DDX10: variants seen among roughly 807,000 people sequenced by gnomAD.
DDX10 encodes the protein probable ATP-dependent RNA helicase DDX10.
DDX10 carries 74 observed loss-of-function variants against 104.3 expected under a neutral mutation model. The observed-to-expected ratio is 0.71, with a 90% CI of 0.59 to 0.86. The LOEUF (loss-of-function observed/expected upper bound fraction) is 0.86, where lower values mean the gene tolerates loss of function less well. Among genes scored for constraint, DDX10 ranks in the 40% least tolerant of loss-of-function variants. The pLI, the probability that DDX10 is intolerant of heterozygous loss-of-function variation, is 0.00. For synonymous variants in DDX10, 351 were observed against 353.4 expected, an observed-to-expected ratio of 0.99 and a Z score of 0.08; for missense variants, 952 against 1,040.0, an observed-to-expected ratio of 0.92 and a Z score of 1.16.
At chr11:108,780,272 G>A (rs1054322998) in intron 13 of DDX10, among the ~76,000 whole-genome samples, 1 of 152,162 alleles carries the variant, frequency 6.6e-6, no homozygotes, top group African/African-American at 2.4e-5. Flanking sequence ...GGACAGGGTG[G>A]CTGAAGTTAA....
At chr11:108,699,198 C>G (rs1279458426) in intron 9 of DDX10, among the ~76,000 whole-genome samples, 1 of 152,160 alleles carries the variant, frequency 6.6e-6, no homozygotes, top group Non-Finnish European at 1.5e-5. Context: ...GATTCAGACT[C>G]ATGAATCAGA....
intron 9 of DDX10, among the ~76,000 whole-genome samples, chr11:108,701,749 C>T (rs1475317376): frequency 4.5e-5 from 6 of 132,338 alleles, no homozygotes; most frequent in African/African-American, 8.5e-5. Context: ...TGCAGTGGCG[C>T]GATCTTGGCT....
intron 2 of DDX10, 114 bp downstream of exon 2, chr11:108,673,641 C>T: frequency 1.4e-6 from 1 of 692,610 alleles, no homozygotes; most frequent in Non-Finnish European, 2.5e-6. Flanking sequence ...ATTTTGATAT[C>T]ATGAAAACCA....
chr11:108,757,645 C>G (rs1170164113), intron 13 of DDX10, among the ~76,000 whole-genome samples: 2 of 152,040 alleles, frequency 1.3e-5, no homozygotes, highest in African/African-American at 4.8e-5. Context: ...TGACTAGACC[C>G]TTCGACTACA....
Position 108,857,238 on chromosome 11 carries a change from G to A in DDX10, c.2304+5029G>A, listed in dbSNP as rs955787661. Among the ~76,000 whole-genome samples the A allele has an allele frequency of 4.0e-5, 6 of 151,800 alleles. No individual in the cohort carries two copies. The East Asian group carries it at 1.2e-3, about 29-fold the overall frequency. On this transcript the variant is annotated intron_variant, in intron 16 of 17. Coordinates refer to ENST00000322536, the MANE Select transcript of DDX10 (RefSeq NM_004398.4). The stretch of plus-strand genomic sequence containing the variant: ...TCGCATCCATGATACATGATCTAAC[G>A]ACTAGTCATGGAAAATTACTAATAG...
chr11:108,781,695 A>T (rs1053805592), intron 13 of DDX10, among the ~76,000 whole-genome samples: 1 of 152,186 alleles, frequency 6.6e-6, no homozygotes, highest in African/African-American at 2.4e-5. Context: ...CAGAGGTTCT[A>T]AAAAGTGTAG....
chr11:108,719,283 T>C (rs2094295359), intron 11 of DDX10, among the ~76,000 whole-genome samples: 1 of 152,144 alleles, frequency 6.6e-6, no homozygotes, highest in African/African-American at 2.4e-5. Context: ...TAATACAAAA[T>C]ATTATCAATA....
At chr11:108,862,415 G>T (rs1300965321) in intron 16 of DDX10, among the ~76,000 whole-genome samples, 1 of 152,180 alleles carries the variant, frequency 6.6e-6, no homozygotes. Context: ...AGAAATAAAA[G>T]ATATTATGGA....
chr11:108,838,157 T>A (rs1862582798), intron 13 of DDX10, among the ~76,000 whole-genome samples: 2 of 151,306 alleles, frequency 1.3e-5, no homozygotes, highest in Non-Finnish European at 2.9e-5. Flanking sequence ...TATTATGTAA[T>A]TTTTAGTCCT....
At chr11:108,695,416 G>A (rs1433182474) in intron 9 of DDX10, among the ~76,000 whole-genome samples, 1 of 152,148 alleles carries the variant, frequency 6.6e-6, no homozygotes, top group Non-Finnish European at 1.5e-5. Context: ...AACTTTCCCA[G>A]GGATGTGAGG....
At chr11:108,726,412 C>T (rs1396054830) in intron 13 of DDX10, among the ~76,000 whole-genome samples, 1 of 151,980 alleles carries the variant, frequency 6.6e-6, no homozygotes, top group Non-Finnish European at 1.5e-5. Context: ...ATGTAATGTG[C>T]ACATATTTTG....
Position 108,675,698 on chromosome 11 carries a change from C to G in DDX10, c.350C>G (p.Ser117Cys), listed in dbSNP as rs773673653. Residue 117 changes from serine (S) to cysteine (C), a missense_variant, in exon 3 of 18, where the codon TCT becomes TGT. By Grantham distance (112) the Ser-to-Cys change is moderately radical. Coordinates refer to ENST00000322536, the MANE Select transcript of DDX10 (RefSeq NM_004398.4). ...KDVLGAAKTG[S>C]GKTLAFLVPV... ...GTACTTGGAGCGGCCAAAACTGGATCTGGCAAGACTCTGGCTTTTCTTGTT... is the reference window on the plus strand; with the variant it reads ...GTACTTGGAGCGGCCAAAACTGGATGTGGCAAGACTCTGGCTTTTCTTGTT... The G allele has an allele frequency of 6.2e-7, 1 of 1,614,194 alleles. No individual in the cohort carries two copies. The highest frequency in any genetic ancestry group is 8.5e-7 in the Non-Finnish European group (1 of 1,180,036).
chr11:108,876,789 A>T (rs1471388533), intron 16 of DDX10, among the ~76,000 whole-genome samples: 1 of 152,186 alleles, frequency 6.6e-6, no homozygotes, highest in African/African-American at 2.4e-5. Flanking sequence ...GAGAGAAATC[A>T]CATCCTTTTT....
intron 13 of DDX10, among the ~76,000 whole-genome samples, chr11:108,805,329 G>A (rs1490275717): frequency 6.6e-6 from 1 of 152,196 alleles, no homozygotes; most frequent in Non-Finnish European, 1.5e-5. Flanking sequence ...CTGGAAGCCA[G>A]AACTTTCTTC....
chr11:108,843,825 A>G (rs1862675780), intron 15 of DDX10, among the ~76,000 whole-genome samples: 1 of 151,970 alleles, frequency 6.6e-6, no homozygotes, highest in South Asian at 2.1e-4. Context: ...TCATACCTAC[A>G]CCCTTATAGC....
intron 13 of DDX10, among the ~76,000 whole-genome samples, chr11:108,828,852 G>A (rs1323046392): frequency 6.6e-6 from 1 of 152,122 alleles, no homozygotes; most frequent in African/African-American, 2.4e-5. Flanking sequence ...TTGAACTCCC[G>A]ACGTCAGGTG....
At chr11:108,823,644 A>G (rs751649740) in intron 13 of DDX10, among the ~76,000 whole-genome samples, 145 of 152,302 alleles carry the variant, frequency 9.5e-4, no homozygotes, top group Non-Finnish European at 1.6e-3. Context: ...CTCTATGCAC[A>G]TGCATGTGTG....
At chr11:108,791,688 T>C (rs1861873582) in intron 13 of DDX10, among the ~76,000 whole-genome samples, 1 of 152,200 alleles carries the variant, frequency 6.6e-6, no homozygotes, top group African/African-American at 2.4e-5. Context: ...TTTTGCCTTT[T>C]CCAGAATGGA....
chr11:108,673,169 TTGGTGATGC>T (rs1452210461), intron 1 of DDX10, among the ~76,000 whole-genome samples: 2 of 152,174 alleles, frequency 1.3e-5, no homozygotes, highest in African/African-American at 4.8e-5. Flanking sequence ...ATTGATGTGG[TTGGTGATGC>T]TTTACTGTGT....
Sources: allele counts gnomAD v4.1 joint callset (sites outside exome capture counted in the v4.1 genomes callset), GRCh38; gene constraint gnomAD v4.1.1; transcripts MANE v1.5; gene names NCBI Gene and HGNC (gene_info 2026-07-23, HGNC 2026-07-21).